Variants in AGBL1 observed in about 807,000 individuals in gnomAD.
AGBL1 encodes cytosolic carboxypeptidase 4.
In AGBL1, 130 loss-of-function variants were observed where a neutral mutation model predicts 118.9. The ratio of observed to expected loss-of-function variants is 1.09; its 90% CI spans 0.95 to 1.26. AGBL1 has a LOEUF of 1.26. Among genes scored for constraint, AGBL1 ranks in the 50% most tolerant of loss-of-function variants. The pLI is 0.00. For synonymous variants in AGBL1, 555 were observed against 478.9 expected (o/e 1.16, Z -2.08); for missense variants, 1,584 against 1,298.1 (o/e 1.22, Z -3.38).
At chr15:86,685,900 C>G (rs779596227) in intron 22 of AGBL1, among the ~76,000 whole-genome samples, 17 of 152,230 alleles carry the variant, frequency 1.1e-4, no homozygotes, top group Non-Finnish European at 2.4e-4. Context: ...AATCACTGTT[C>G]TTTACCGAAG....
intron 3 of AGBL1, among the ~76,000 whole-genome samples, chr15:86,152,007 C>T (rs552328059): frequency 5.3e-5 from 8 of 151,964 alleles, no homozygotes; most frequent in Admixed American, 2.6e-4. Context: ...CACTGCTCAG[C>T]GAGATAAAAG....
At chr15:87,005,510 A>G (rs1313748478) in intron 24 of AGBL1, among the ~76,000 whole-genome samples, 1 of 152,158 alleles carries the variant, frequency 6.6e-6, no homozygotes, top group Non-Finnish European at 1.5e-5. Context: ...CATTCGTCAC[A>G]TAGTTCTCGT....
chr15:86,137,750 C>G (rs1318910105), intron 1 of AGBL1, among the ~76,000 whole-genome samples: 3 of 152,152 alleles, frequency 2.0e-5, no homozygotes, highest in Non-Finnish European at 4.4e-5. Context: ...GGCCCATTCC[C>G]TGGGCAGGGG....
In AGBL1 at chr15:86,264,687, G is replaced by A. The variant is rs778030412; in HGVS notation, c.1516G>A (p.Val506Ile). 6.2e-7 allele frequency: 1 copy of A among 1,614,026 alleles called. No homozygotes were observed. Among genetic ancestry groups the A allele is most frequent in the African/African-American group, 1.3e-5 (1 of 75,058 alleles). The change falls in exon 11 of 23, where the codon GTC becomes ATC. Residue 506 changes from valine to isoleucine, a missense_variant. Val to Ile is a conservative substitution (Grantham distance 29). Coordinates refer to ENST00000614907, the MANE Select transcript of AGBL1 (RefSeq NM_001386094.1). ...DKLLQTHLKR[V>I]PFHDPYLYMA... Reference sequence around the variant, plus strand: ...GCTTCTGCAGACACATCTGAAGCGTGTCCCTTTCCACGATCCCTATCTTTA... The same window carrying A: ...GCTTCTGCAGACACATCTGAAGCGTATCCCTTTCCACGATCCCTATCTTTA...
In AGBL1 at chr15:86,963,153, AAGG is replaced by A. The variant is rs541836201; in HGVS notation, c.3222-24831_3222-24829del. On this transcript the variant is annotated intron_variant, in intron 23 of 24. Transcript: ENST00000441037. Reference sequence around the variant, plus strand: ...ACTGGATAAGAATATATTAGGAAATAAGGAGAATGACAAAAGCCATGGACAACC... The same window carrying A: ...ACTGGATAAGAATATATTAGGAAATAAGAATGACAAAAGCCATGGACAACC... 7.9e-5 allele frequency among the ~76,000 whole-genome samples: 12 copies of A among 152,174 alleles called. No individual in the cohort carries two copies. In the South Asian group the frequency reaches 2.5e-3, roughly 32 times the overall value.
chr15:86,579,645 A>G (rs2084146607), intron 21 of AGBL1, among the ~76,000 whole-genome samples: 1 of 152,236 alleles, frequency 6.6e-6, no homozygotes. Flanking sequence ...TTTCAGACAC[A>G]GTAAGAATCC....
chr15:86,162,836 C>CT (rs962545484), intron 5 of AGBL1, among the ~76,000 whole-genome samples: 3 of 152,200 alleles, frequency 2.0e-5, no homozygotes, highest in Non-Finnish European at 4.4e-5. Flanking sequence ...CCCCAGGTCT[C>CT]TCCCTTCCTC....
At chr15:86,504,506 T>A (rs1399603768) in intron 18 of AGBL1, among the ~76,000 whole-genome samples, 1 of 151,670 alleles carries the variant, frequency 6.6e-6, no homozygotes, top group Non-Finnish European at 1.5e-5. Context: ...TCCTCTCTTA[T>A]TTCTTTTGAG....
chr15:86,900,838 T>TACC (rs1258942096), intron 22 of AGBL1, among the ~76,000 whole-genome samples: 1 of 152,196 alleles, frequency 6.6e-6, no homozygotes, highest in African/African-American at 2.4e-5. Context: ...AAGACTGTGC[T>TACC]ACCCTTCAGC....
intron 1 of AGBL1, among the ~76,000 whole-genome samples, chr15:86,098,216 C>T (rs951431937): frequency 6.6e-6 from 1 of 151,936 alleles, no homozygotes; most frequent in Admixed American, 6.6e-5. Flanking sequence ...ATATTAGTCC[C>T]TTCTTGGATG....
chr15:86,133,723 G>T (rs1298759697), intron 1 of AGBL1, among the ~76,000 whole-genome samples: 4 of 152,184 alleles, frequency 2.6e-5, no homozygotes, highest in Non-Finnish European at 4.4e-5. Flanking sequence ...CTCAATGTGT[G>T]GTTGGGACAT....
intron 21 of AGBL1, among the ~76,000 whole-genome samples, chr15:86,588,793 C>T (rs182554623): frequency 2.4e-4 from 37 of 152,250 alleles, no homozygotes; most frequent in Admixed American, 2.1e-3. Context: ...AACAGAAACC[C>T]ATATTTATTG....
At chr15:86,149,689 C>T (rs1254040948) in intron 3 of AGBL1, among the ~76,000 whole-genome samples, 1 of 152,142 alleles carries the variant, frequency 6.6e-6, no homozygotes, top group Non-Finnish European at 1.5e-5. Context: ...GAGACTTTAA[C>T]ACCCCATTGT....
At chr15:86,127,722 G>T (rs911794338) in intron 1 of AGBL1, among the ~76,000 whole-genome samples, 1 of 152,230 alleles carries the variant, frequency 6.6e-6, no homozygotes, top group Non-Finnish European at 1.5e-5. Flanking sequence ...GTGAACATGT[G>T]ACTGAGTTTT....
At chr15:86,262,078 C>CTGTTTTTTTTTTTTTTTTTTTTT (rs2094009283) in intron 9 of AGBL1, among the ~76,000 whole-genome samples, 2 of 52,768 alleles carry the variant, frequency 3.8e-5, no homozygotes, top group African/African-American at 6.1e-5. Context: ...GCATAGCTGG[C>CTGTTTTTTTTTTTTTTTTTTTTT]TTTTTTTTTT....
At chr15:86,983,042 T>C (rs2081247073) in intron 23 of AGBL1, among the ~76,000 whole-genome samples, 1 of 152,312 alleles carries the variant, frequency 6.6e-6, no homozygotes, top group Middle Eastern at 3.4e-3. Context: ...CATTAGAATT[T>C]ACTATTATCA....
chr15:86,958,394 T>G (rs1392942733), intron 23 of AGBL1, among the ~76,000 whole-genome samples: 2 of 152,050 alleles, frequency 1.3e-5, no homozygotes, highest in African/African-American at 4.8e-5. Context: ...ACCACAGAGT[T>G]AAATTAATTA....
intron 18 of AGBL1, among the ~76,000 whole-genome samples, chr15:86,473,402 A>G (rs1336390435): frequency 1.3e-5 from 2 of 152,232 alleles, no homozygotes; most frequent in African/African-American, 4.8e-5. Flanking sequence ...TTTGATTTCC[A>G]GTAAATACAA....
At chr15:86,833,544 C>T (rs1225286329) in intron 22 of AGBL1, among the ~76,000 whole-genome samples, 1 of 152,096 alleles carries the variant, frequency 6.6e-6, no homozygotes, top group Non-Finnish European at 1.5e-5. Flanking sequence ...TGAGGCCTTC[C>T]CAGCCATATG....
Sources: gnomAD v4.1 joint callset for allele counts (sites outside exome capture counted in the v4.1 genomes callset) on GRCh38, gnomAD v4.1.1 for gene constraint, MANE v1.5 for transcripts, NCBI Gene and HGNC (gene_info 2026-07-23, HGNC 2026-07-21) for gene names.